The following CUEDC1 variants were observed in gnomAD, a reference collection of about 807,000 sequenced individuals.
CUEDC1 encodes CUE domain containing 1, also known as CUE domain-containing protein 1.
Under a neutral mutation model 43.7 loss-of-function variants are expected in CUEDC1, and 30 were observed. The observed-to-expected ratio is 0.69, with a 90% CI of 0.51 to 0.93. The LOEUF (loss-of-function observed/expected upper bound fraction) is 0.93, where lower values mean the gene tolerates loss of function less well. CUEDC1 is among the 40% of genes least tolerant of loss of function. The probability of loss-of-function intolerance (pLI) is 0.00; values close to 1 mark genes in which losing one functional copy is unlikely to be tolerated. For missense variants in CUEDC1, 486 were observed against 549.0 expected, an observed-to-expected ratio of 0.89 and a Z score of 1.15; for synonymous variants, 223 against 223.6, an observed-to-expected ratio of 1.00 and a Z score of 0.02.
chr17:57,919,413 C>G (rs1241888780), intron 1 of CUEDC1, among the ~76,000 whole-genome samples: 1 of 152,164 alleles, frequency 6.6e-6, no homozygotes, highest in Non-Finnish European at 1.5e-5. Flanking sequence ...CTCCTGACTT[C>G]AAGTGATCTT....
intron 1 of CUEDC1, among the ~76,000 whole-genome samples, chr17:57,889,157 T>C (rs2074329526): frequency 6.6e-6 from 1 of 152,212 alleles, no homozygotes; most frequent in African/African-American, 2.4e-5. Flanking sequence ...CTCATCTGGA[T>C]GTATCCCTTA....
chr17:57,948,296 C>T (rs969523968), intron 1 of CUEDC1, among the ~76,000 whole-genome samples: 2 of 152,140 alleles, frequency 1.3e-5, no homozygotes, highest in Non-Finnish European at 2.9e-5. Flanking sequence ...ACAAATGCTC[C>T]ACTACTTCCA....
chr17:57,945,243 G>A (rs2074950027), intron 1 of CUEDC1, among the ~76,000 whole-genome samples: 1 of 152,190 alleles, frequency 6.6e-6, no homozygotes, highest in South Asian at 2.1e-4. Context: ...TGAAATGGAT[G>A]TTTCCAACTT....
chr17:57,943,432 T>C (rs986439101), intron 1 of CUEDC1, among the ~76,000 whole-genome samples: 2 of 152,072 alleles, frequency 1.3e-5, no homozygotes, highest in African/African-American at 4.8e-5. Flanking sequence ...CCCATCCCTC[T>C]CTCCACCAAA....
intron 3 of CUEDC1, among the ~76,000 whole-genome samples, chr17:57,876,614 G>A (rs529552486): frequency 1.1e-4 from 16 of 152,356 alleles, no homozygotes; most frequent in Middle Eastern, 6.8e-3. Flanking sequence ...CAGCACCTGC[G>A]TATGGCAGGC....
intron 1 of CUEDC1, among the ~76,000 whole-genome samples, chr17:57,907,037 G>A (rs947641572): frequency 1.3e-5 from 2 of 151,344 alleles, no homozygotes; most frequent in African/African-American, 4.9e-5. Context: ...GGCACTACTC[G>A]GGCTATTTAG....
chr17:57,874,845 G>A (rs531597453), intron 3 of CUEDC1, among the ~76,000 whole-genome samples: 4 of 152,164 alleles, frequency 2.6e-5, no homozygotes, highest in African/African-American at 9.6e-5. Flanking sequence ...TTTCTATTTC[G>A]GGCGGGTGGC....
intron 1 of CUEDC1, among the ~76,000 whole-genome samples, chr17:57,931,777 G>A (rs142739404): frequency 2.0e-5 from 3 of 152,278 alleles, no homozygotes; most frequent in African/African-American, 7.2e-5. Context: ...ACACAGTCCC[G>A]AATCCAGGGA....
intron 1 of CUEDC1, among the ~76,000 whole-genome samples, chr17:57,944,220 T>A (rs960415937): frequency 1.4e-4 from 21 of 147,762 alleles, no homozygotes; most frequent in African/African-American, 4.9e-4. Context: ...ATTTTTTTTT[T>A]TTTTTTTGAG....
chr17:57,936,869 G>A (rs2074867206), intron 1 of CUEDC1, among the ~76,000 whole-genome samples: 1 of 147,008 alleles, frequency 6.8e-6, no homozygotes, highest in African/African-American at 2.5e-5. Flanking sequence ...TCACCACGCT[G>A]GAGTACAGTG....
intron 6 of CUEDC1, 85 bp from the exon 7 acceptor site, chr17:57,869,278 T>A: frequency 1.7e-6 from 2 of 1,148,314 alleles, no homozygotes; most frequent in Non-Finnish European, 2.5e-6. Context: ...TGAGGACAAA[T>A]GCAAAGAAAG....
chr17:57,868,165 A>C lies in CUEDC1; in HGVS notation c.1019T>G (p.Leu340Trp). The part of the protein sequence containing the change: ...TKMRKSKRKH[L>W]LKHQSLGAAA... The stretch of plus-strand genomic sequence containing the variant: ...GAAAGGATACGACTGATGCTTCAAC[A>C]AGTGTTTCCTCTTTGACTTCCTCAT... Residue 340 changes from leucine (L) to tryptophan (W), a missense_variant, in exon 8 of 11, where the codon TTG becomes TGG. Physicochemically the swap from Leu to Trp is moderately conservative, Grantham distance 61. Transcript: ENST00000577830. 1 of 1,614,010 alleles carries C rather than the reference A, an allele frequency of 6.2e-7. No individual in the cohort carries two copies. The highest frequency in any genetic ancestry group is 8.5e-7 in the Non-Finnish European group (1 of 1,179,852).
At chr17:57,895,790 C>T (rs1292020144) in intron 1 of CUEDC1, among the ~76,000 whole-genome samples, 1 of 152,286 alleles carries the variant, frequency 6.6e-6, no homozygotes, top group African/African-American at 2.4e-5. Context: ...AAAGGGCCCA[C>T]GCTGGAGGAA....
intron 1 of CUEDC1, among the ~76,000 whole-genome samples, chr17:57,906,587 C>T (rs114451210): frequency 0.071 from 10,876 of 152,198 alleles, 442 homozygotes; most frequent in Admixed American, 0.12. Flanking sequence ...CTGAATTATA[C>T]GCTTAAAAAT....
intron 1 of CUEDC1, among the ~76,000 whole-genome samples, chr17:57,947,776 C>G (rs2074972192): frequency 6.6e-6 from 1 of 151,974 alleles, no homozygotes; most frequent in African/African-American, 2.4e-5. Flanking sequence ...GCACTCCAGC[C>G]TGGGTGAAAG....
Sources: allele counts gnomAD v4.1 joint callset (sites outside exome capture counted in the v4.1 genomes callset), GRCh38; gene constraint gnomAD v4.1.1; transcripts MANE v1.5; gene names NCBI Gene and HGNC (gene_info 2026-07-23, HGNC 2026-07-21).